Variants in NKAIN2 observed in about 807,000 individuals in gnomAD.
The protein encoded by NKAIN2 is sodium/potassium-transporting ATPase subunit beta-1-interacting protein 2.
A neutral mutation model predicts 32.6 loss-of-function variants in NKAIN2; 14 were observed. That is an observed-to-expected ratio of 0.43 (90% CI 0.28 to 0.67). The LOEUF (loss-of-function observed/expected upper bound fraction) is 0.67. Ranked by LOEUF, NKAIN2 falls within the 30% of genes least tolerant of loss-of-function variation. The pLI, the probability that NKAIN2 is intolerant of heterozygous loss-of-function variation, is 0.17. For synonymous variants in NKAIN2, 80 were observed against 87.2 expected, an observed-to-expected ratio of 0.92 and a Z score of 0.46; for missense variants, 198 against 258.3, an observed-to-expected ratio of 0.77 and a Z score of 1.60.
intron 1 of NKAIN2, among the ~76,000 whole-genome samples, chr6:123,828,193 C>T (rs181804526): frequency 6.6e-6 from 1 of 152,186 alleles, no homozygotes; most frequent in Admixed American, 6.5e-5. Flanking sequence ...ATTTTTCTCT[C>T]CCTGCCTCTA....
At chr6:123,870,770 G>A (rs1441682165) in intron 1 of NKAIN2, among the ~76,000 whole-genome samples, 1 of 152,096 alleles carries the variant, frequency 6.6e-6, no homozygotes, top group African/African-American at 2.4e-5. Context: ...ATATTCTACT[G>A]TTTTCAGTGG....
chr6:124,406,539 A>G (rs1301927654), intron 3 of NKAIN2, among the ~76,000 whole-genome samples: 1 of 152,140 alleles, frequency 6.6e-6, no homozygotes, highest in Admixed American at 6.5e-5. Context: ...TAATGATGCT[A>G]AAAGACTATG....
intron 3 of NKAIN2, among the ~76,000 whole-genome samples, chr6:124,495,813 C>A (rs944430034): frequency 2.6e-5 from 4 of 152,118 alleles, no homozygotes; most frequent in African/African-American, 7.2e-5. Flanking sequence ...TGGCTTTCCA[C>A]CAGGGGTAGA....
intron 3 of NKAIN2, among the ~76,000 whole-genome samples, chr6:124,454,062 T>G (rs1776223269): frequency 6.9e-6 from 1 of 145,860 alleles, no homozygotes; most frequent in African/African-American, 2.5e-5. Flanking sequence ...TATAAAATTA[T>G]TTCATTGAAA....
chr6:124,561,595 G>A (rs1001264831), intron 3 of NKAIN2, among the ~76,000 whole-genome samples: 4 of 152,102 alleles, frequency 2.6e-5, no homozygotes, highest in African/African-American at 9.7e-5. Flanking sequence ...AAGATGTATT[G>A]TTTTCTTTCC....
intron 1 of NKAIN2, among the ~76,000 whole-genome samples, chr6:123,939,204 C>T (rs1286511647): frequency 1.3e-5 from 2 of 152,034 alleles, no homozygotes; most frequent in Non-Finnish European, 2.9e-5. Flanking sequence ...GAGTGCCAAT[C>T]AGGAAACTGA....
At chr6:124,748,434 T>A (rs1777554419) in intron 4 of NKAIN2, among the ~76,000 whole-genome samples, 1 of 152,012 alleles carries the variant, frequency 6.6e-6, no homozygotes, top group African/African-American at 2.4e-5. Context: ...CATGCTCTCC[T>A]GATTCCTTTG....
intron 1 of NKAIN2, among the ~76,000 whole-genome samples, chr6:123,824,859 C>A (rs1774080756): frequency 6.6e-6 from 1 of 152,052 alleles, no homozygotes; most frequent in South Asian, 2.1e-4. Context: ...TGCTTTTCTA[C>A]CTGATGGAAA....
At chr6:124,247,392 T>A (rs767435463) in intron 1 of NKAIN2, among the ~76,000 whole-genome samples, 1 of 152,134 alleles carries the variant, frequency 6.6e-6, no homozygotes, top group African/African-American at 2.4e-5. Context: ...CAAGAAATGA[T>A]AGTGAAGTGA....
At chr6:124,774,319 G>T (rs1362607990) in intron 4 of NKAIN2, among the ~76,000 whole-genome samples, 1 of 152,108 alleles carries the variant, frequency 6.6e-6, no homozygotes, top group African/African-American at 2.4e-5. Context: ...CTGACAGATT[G>T]GTTCTATAAT....
chr6:123,874,016 TC>T (rs1773042901), intron 1 of NKAIN2, among the ~76,000 whole-genome samples: 1 of 152,200 alleles, frequency 6.6e-6, no homozygotes, highest in Non-Finnish European at 1.5e-5. Context: ...TGCCATCTGC[TC>T]CTTTTTAATT....
At chr6:124,355,133 G>A in intron 2 of NKAIN2, 134 bp from the exon 3 acceptor site, 2 of 591,536 alleles carry the variant, frequency 3.4e-6, no homozygotes, top group Non-Finnish European at 6.0e-6. Context: ...ATCTAATCCT[G>A]TTCCTTAGAG....
chr6:123,844,424 C>G (rs992676141), intron 1 of NKAIN2, among the ~76,000 whole-genome samples: 4 of 152,144 alleles, frequency 2.6e-5, no homozygotes, highest in Non-Finnish European at 4.4e-5. Flanking sequence ...TGCTCCCTGC[C>G]TCTATTGCTC....
chr6:124,282,673 T>C (rs1282144506), intron 1 of NKAIN2, among the ~76,000 whole-genome samples: 1 of 152,226 alleles, frequency 6.6e-6, no homozygotes, highest in Admixed American at 6.5e-5. Context: ...TGGACTTCCC[T>C]GACTTGCTGG....
intron 3 of NKAIN2, among the ~76,000 whole-genome samples, chr6:124,649,157 A>G (rs893576283): frequency 1.3e-5 from 2 of 152,172 alleles, no homozygotes; most frequent in Non-Finnish European, 2.9e-5. Context: ...AAAATTAAAA[A>G]TAAGAAATCA....
chr6:124,814,010 G>A (rs994604491), intron 5 of NKAIN2, among the ~76,000 whole-genome samples: 1 of 152,106 alleles, frequency 6.6e-6, no homozygotes. Flanking sequence ...AACAGAAAAA[G>A]ATGGTATTAT....
At chr6:124,608,326 G>A (rs543780481) in intron 3 of NKAIN2, among the ~76,000 whole-genome samples, 54 of 152,214 alleles carry the variant, frequency 3.5e-4, no homozygotes, top group African/African-American at 1.2e-3. Context: ...AATGCAGACC[G>A]GGCACTCCAT....
At chr6:124,172,004 G>T (rs528654180) in intron 1 of NKAIN2, among the ~76,000 whole-genome samples, 1 of 152,006 alleles carries the variant, frequency 6.6e-6, no homozygotes, top group African/African-American at 2.4e-5. Context: ...AGTAGAGACG[G>T]GGTTTCACCG....
intron 3 of NKAIN2, among the ~76,000 whole-genome samples, chr6:124,400,963 A>G (rs1042586061): frequency 2.0e-5 from 3 of 152,204 alleles, no homozygotes; most frequent in Non-Finnish European, 4.4e-5. Flanking sequence ...TTTAAAAATT[A>G]TGTAAATGGA....
Sources: allele counts gnomAD v4.1 joint callset (sites outside exome capture counted in the v4.1 genomes callset), GRCh38; gene constraint gnomAD v4.1.1; transcripts MANE v1.5; gene names NCBI Gene and HGNC (gene_info 2026-07-23, HGNC 2026-07-21).